Variants in DSCAM observed in about 807,000 individuals in gnomAD.
DSCAM encodes the protein cell adhesion molecule DSCAM.
Under a neutral mutation model 217.7 loss-of-function variants are expected in DSCAM, and 47 were observed. That is an observed-to-expected ratio of 0.22 (90% CI 0.17 to 0.28). DSCAM has a LOEUF of 0.28. Ranked by LOEUF, DSCAM falls within the 10% of genes least tolerant of loss-of-function variation. The pLI, the probability that DSCAM is intolerant of heterozygous loss-of-function variation, is 1.00. For missense variants in DSCAM, 2,080 were observed against 2,618.3 expected, an observed-to-expected ratio of 0.79 and a Z score of 4.49; for synonymous variants, 1,056 against 1,015.3, an observed-to-expected ratio of 1.04 and a Z score of -0.76.
At chr21:40,404,679 C>T (rs866226780) in intron 3 of DSCAM, among the ~76,000 whole-genome samples, 1 of 152,198 alleles carries the variant, frequency 6.6e-6, no homozygotes, top group Non-Finnish European at 1.5e-5. Flanking sequence ...ACACATAGGG[C>T]TTGTCATACA....
intron 11 of DSCAM, among the ~76,000 whole-genome samples, chr21:40,203,075 C>T (rs1053737577): frequency 9.2e-5 from 14 of 152,146 alleles, no homozygotes; most frequent in Admixed American, 3.3e-4. Flanking sequence ...AATTGAGGCA[C>T]AGAGAGGCTA....
At chr21:40,175,022 T>G (rs1330898387) in intron 15 of DSCAM, among the ~76,000 whole-genome samples, 2 of 152,214 alleles carry the variant, frequency 1.3e-5, no homozygotes, top group African/African-American at 4.8e-5. Context: ...TCTCTACTTT[T>G]CTGCATGAAG....
chr21:40,518,686 A>G (rs772114452), intron 3 of DSCAM, among the ~76,000 whole-genome samples: 1 of 138,660 alleles, frequency 7.2e-6, no homozygotes, highest in African/African-American at 2.9e-5. Flanking sequence ...GTGTATGTAT[A>G]TATATGTATA....
intron 6 of DSCAM, among the ~76,000 whole-genome samples, chr21:40,342,386 T>A (rs1391064762): frequency 6.6e-6 from 1 of 151,922 alleles, no homozygotes; most frequent in Non-Finnish European, 1.5e-5. Flanking sequence ...TAATGCTTTC[T>A]GTGTCCTAAG....
At chr21:40,049,391 C>A (rs898742401) in intron 30 of DSCAM, among the ~76,000 whole-genome samples, 41 of 152,164 alleles carry the variant, frequency 2.7e-4, no homozygotes, top group African/African-American at 9.9e-4. Flanking sequence ...TGCTGTGACT[C>A]TGATCTTGTT....
intron 3 of DSCAM, among the ~76,000 whole-genome samples, chr21:40,677,341 T>G (rs2090351780): frequency 6.6e-6 from 1 of 151,914 alleles, no homozygotes; most frequent in African/African-American, 2.4e-5. Context: ...ATCCAACATC[T>G]ATATCAGGCA....
At chr21:40,767,516 G>C (rs982151893) in intron 1 of DSCAM, among the ~76,000 whole-genome samples, 1 of 152,164 alleles carries the variant, frequency 6.6e-6, no homozygotes, top group African/African-American at 2.4e-5. Flanking sequence ...CCTTTAGGAT[G>C]ACATACAAAA....
chr21:40,193,641 T>G (rs942642765), intron 11 of DSCAM, among the ~76,000 whole-genome samples: 1 of 152,158 alleles, frequency 6.6e-6, no homozygotes. Flanking sequence ...ATAGAAACTC[T>G]TGTTGCAAAA....
At chr21:40,370,993 C>A (rs1219712238) in intron 3 of DSCAM, among the ~76,000 whole-genome samples, 1 of 152,034 alleles carries the variant, frequency 6.6e-6, no homozygotes, top group African/African-American at 2.4e-5. Context: ...TTCCAAAGAA[C>A]ACAGATGTGA....
intron 15 of DSCAM, among the ~76,000 whole-genome samples, chr21:40,175,088 T>G (rs187499543): frequency 6.6e-6 from 1 of 152,338 alleles, no homozygotes; most frequent in African/African-American, 2.4e-5. Flanking sequence ...CTGCATGACT[T>G]ATACACCACA....
chr21:40,708,327 G>C, intron 2 of DSCAM, 127 bp downstream of exon 2: 1 of 756,506 alleles, frequency 1.3e-6, no homozygotes, highest in Non-Finnish European at 1.9e-6. Flanking sequence ...CATCAGCAAG[G>C]TCAGAATGAA....
chr21:40,823,576 G>C (rs949986106), intron 1 of DSCAM, among the ~76,000 whole-genome samples: 2 of 151,958 alleles, frequency 1.3e-5, no homozygotes, highest in Non-Finnish European at 2.9e-5. Flanking sequence ...TCATTTTCTG[G>C]TTACTAAAAA....
At position 40,276,191 on chromosome 21, in the gene DSCAM, C is replaced by A; in HGVS notation, c.2262G>T (p.Lys754Asn). Reference protein sequence around the residue: ...QVLSNGSLLIKHVVEEDSGYY... With the variant: ...QVLSNGSLLINHVVEEDSGYY... ...AGCCACTGTCTTCCTCCACGACATG[C>A]TTGATCAGCAACGACCCATTGCTGA... The change falls in exon 11 of 33, where the codon AAG becomes AAT. Residue 754 changes from lysine (K) to asparagine (N), a missense_variant. Lys to Asn is a moderately conservative substitution (Grantham distance 94). This residue lies in a region of DSCAM where 218 missense variants were observed against 364.1 expected (regional missense o/e 0.60). Coordinates refer to ENST00000400454, the MANE Select transcript of DSCAM (RefSeq NM_001389.5). 6.2e-7 allele frequency: 1 copy of A among 1,613,372 alleles called. No homozygotes were observed. Among genetic ancestry groups the A allele is most frequent in the Non-Finnish European group, 8.5e-7 (1 of 1,179,614 alleles).
chr21:40,319,433 G>T (rs536394313), intron 8 of DSCAM, among the ~76,000 whole-genome samples: 3 of 152,078 alleles, frequency 2.0e-5, no homozygotes, highest in Admixed American at 1.3e-4. Flanking sequence ...ATGTTCGTGT[G>T]TGCATGTGTG....
chr21:40,270,745 G>A (rs935311664), intron 11 of DSCAM, among the ~76,000 whole-genome samples: 7 of 152,092 alleles, frequency 4.6e-5, no homozygotes, highest in African/African-American at 1.4e-4. Flanking sequence ...CTTCACCATG[G>A]GGGGCAGCTT....
At chr21:40,619,507 T>A (rs563561668) in intron 3 of DSCAM, among the ~76,000 whole-genome samples, 1 of 152,184 alleles carries the variant, frequency 6.6e-6, no homozygotes, top group Non-Finnish European at 1.5e-5. Flanking sequence ...TGAAATAAAA[T>A]ATATCTATTC....
chr21:40,545,075 C>G (rs1459552411), intron 3 of DSCAM, among the ~76,000 whole-genome samples: 2 of 152,102 alleles, frequency 1.3e-5, no homozygotes, highest in East Asian at 3.9e-4. Flanking sequence ...GGATGAAGCC[C>G]TCAAGAATGA....
chr21:40,109,081 A>G (rs922689878), intron 20 of DSCAM, among the ~76,000 whole-genome samples: 1 of 152,226 alleles, frequency 6.6e-6, no homozygotes, highest in Non-Finnish European at 1.5e-5. Flanking sequence ...TATTCAGGAC[A>G]TAGGCATGGG....
chr21:40,287,044 ACAGTGTGATCTG>A (rs1006298447), intron 10 of DSCAM, among the ~76,000 whole-genome samples: 104 of 151,380 alleles, frequency 6.9e-4, no homozygotes, highest in African/African-American at 2.4e-3. Context: ...CAGTGTGATC[ACAGTGTGATCTG>A]CAGTGTGATC....
Sources: gnomAD v4.1 joint callset for allele counts (sites outside exome capture counted in the v4.1 genomes callset) on GRCh38, gnomAD v4.1.1 for gene constraint, gnomAD v4.1.1 regional missense constraint, MANE v1.5 for transcripts, NCBI Gene and HGNC (gene_info 2026-07-23, HGNC 2026-07-21) for gene names.